The following MRC2 variants were observed in gnomAD, a reference collection of about 807,000 sequenced individuals.
MRC2 encodes the protein C-type mannose receptor 2.
A neutral mutation model predicts 206.2 loss-of-function variants in MRC2; 84 were observed. The observed-to-expected ratio is 0.41, with a 90% CI of 0.34 to 0.49. The LOEUF (loss-of-function observed/expected upper bound fraction) is 0.49. Among genes scored for constraint, MRC2 ranks in the 20% least tolerant of loss-of-function variants. The pLI is 0.31. For synonymous variants in MRC2, 798 were observed against 800.0 expected (o/e 1.00, Z 0.04); for missense variants, 1,676 against 2,001.5 (o/e 0.84, Z 3.10).
intron 1 of MRC2, among the ~76,000 whole-genome samples, chr17:62,655,911 G>A (rs1285348678): frequency 6.6e-6 from 1 of 152,058 alleles, no homozygotes; most frequent in Non-Finnish European, 1.5e-5. Context: ...GAGGGCAGAG[G>A]CTGTATCTTC....
chr17:62,688,335 C>T lies in MRC2; in HGVS notation c.2993C>T (p.Ser998Leu), dbSNP rs1213339129. The T allele has an allele frequency of 6.2e-7, 1 of 1,614,052 alleles. No homozygotes were observed. Among genetic ancestry groups the T allele is most frequent in the Non-Finnish European group, 8.5e-7 (1 of 1,180,048 alleles). ...GAACCCCAGAGCCGGGTGAAGTGGTCAGAGGCACAGTTCTCCTGTGAACAG... is the reference window on the plus strand; with the variant it reads ...GAACCCCAGAGCCGGGTGAAGTGGTTAGAGGCACAGTTCTCCTGTGAACAG... ...GQEPQSRVKWSEAQFSCEQQE... is the reference protein window; with the variant it reads ...GQEPQSRVKWLEAQFSCEQQE... The change falls in exon 21 of 30, where the codon TCA (serine) becomes TTA (leucine). Residue 998 changes from serine (S) to leucine (L), a missense_variant. Physicochemically the swap from Ser to Leu is moderately radical, Grantham distance 145. This residue lies in a region of MRC2 where 1,354 missense variants were observed against 1,636.6 expected (regional missense o/e 0.83). Coordinates refer to ENST00000303375, the MANE Select transcript of MRC2 (RefSeq NM_006039.5).
In MRC2 at chr17:62,680,997, G is replaced by T. The variant is rs1292742475; in HGVS notation, c.2634+37G>T. 3 of 1,611,766 alleles carry T rather than the reference G, an allele frequency of 1.9e-6. No individual in the cohort carries two copies. The highest frequency in any genetic ancestry group is 2.5e-6 in the Non-Finnish European group (3 of 1,179,104). Reference sequence around the variant, plus strand: ...ATTGAGCAGGGGGCTGCAGGCTGGGGGAGGGCAGGCCCGGGATGAGGGCAG... The same window carrying T: ...ATTGAGCAGGGGGCTGCAGGCTGGGTGAGGGCAGGCCCGGGATGAGGGCAG... On this transcript the variant is annotated intron_variant, in intron 17 of 29. Transcript: ENST00000303375. This position sits in a 1 kb window ranked among gnomAD's most constrained non-coding sequence, Gnocchi z 4.8.
Position 62,692,123 on chromosome 17 carries a change from A to C in MRC2, c.4204A>C (p.Ser1402Arg). The C allele has an allele frequency of 2.5e-6, 4 of 1,614,234 alleles. No homozygotes were observed. In the South Asian group the frequency reaches 4.4e-5, roughly 18 times the overall value. ...VCKLPRAEQS[S>R]FSPSALPENP... ...CCTCTTGCCCACAGCTGAGCAGAGC[A>C]GCTTCTCCCCATCAGGTGAGTGAAA... The change falls in exon 29 of 30, where the codon AGC becomes CGC. Residue 1402 changes from serine (S) to arginine (R), a missense_variant. By Grantham distance (110) the Ser-to-Arg change is moderately radical (BLOSUM62 -1). This residue lies in a region of MRC2 where 1,354 missense variants were observed against 1,636.6 expected (regional missense o/e 0.83). Transcript: ENST00000303375. The surrounding 1 kb of genome is among the most constrained non-coding windows in gnomAD (Gnocchi z 4.2).
chr17:62,675,655 T>C lies in MRC2; in HGVS notation c.1570-135T>C, dbSNP rs930281204. 1.4e-6 allele frequency: 1 copy of C among 690,800 alleles called. No homozygotes were observed. Among genetic ancestry groups the C allele is most frequent in the African/African-American group, 1.7e-5 (1 of 57,176 alleles). The allele number at this position is 690,800 out of a possible 1,614,324, so 42.8% of individuals were successfully genotyped here. On this transcript the variant is annotated intron_variant, in intron 9 of 29. Transcript: ENST00000303375. This position sits in a 1 kb window ranked among gnomAD's most constrained non-coding sequence, Gnocchi z 4.1. The stretch of plus-strand genomic sequence containing the variant: ...AAACGAGGTGCAGAACACAGCCCAG[T>C]ACTCAAACCAGTCCCCTCCGTCCTG...
At chr17:62,660,223 C>A (rs572004238) in intron 1 of MRC2, among the ~76,000 whole-genome samples, 1 of 152,194 alleles carries the variant, frequency 6.6e-6, no homozygotes, top group Non-Finnish European at 1.5e-5. Flanking sequence ...CAGCTTTTCC[C>A]TGAACACACT....
intron 1 of MRC2, among the ~76,000 whole-genome samples, chr17:62,662,316 A>C (rs2088690898): frequency 6.6e-6 from 1 of 152,098 alleles, no homozygotes; most frequent in Non-Finnish European, 1.5e-5. Context: ...TGATGAGATC[A>C]GCATCGGGGA....
Position 62,676,429 on chromosome 17 carries a change from G to A in MRC2, c.1732G>A (p.Glu578Lys), listed in dbSNP as rs546522830. The stretch of plus-strand genomic sequence containing the variant: ...CAGCCTCATCTACAACTGGGAGGGC[G>A]AGTACTTCTGGACGGCCCTGCAGGA... ...VSSLIYNWEG[E>K]YFWTALQDLN... Residue 578 changes from glutamate to lysine, a missense_variant, in exon 11 of 30, where the codon GAG becomes AAG. Transcript: ENST00000303375. The A allele has an allele frequency of 3.0e-5, 49 of 1,613,940 alleles. No homozygotes were observed. Among genetic ancestry groups the A allele is most frequent in the Middle Eastern group, 1.6e-4 (1 of 6,084 alleles).
intron 1 of MRC2, among the ~76,000 whole-genome samples, chr17:62,650,480 C>G (rs1380231131): frequency 6.6e-6 from 1 of 152,242 alleles, no homozygotes; most frequent in African/African-American, 2.4e-5. Flanking sequence ...CCAAACACAA[C>G]TTGCCTGTGG....
rs1360957276 is a variant in MRC2, at chr17:62,680,119, G to T, written c.2299-51G>T. ...GTTCACCTGTTCCGGGCATGGGGGCGGCCTGCACCTTGCGCCTCACGTTCC... is the reference window on the plus strand; with the variant it reads ...GTTCACCTGTTCCGGGCATGGGGGCTGCCTGCACCTTGCGCCTCACGTTCC... On this transcript the variant is annotated intron_variant, in intron 14 of 29. Transcript: ENST00000303375. This position sits in a 1 kb window ranked among gnomAD's most constrained non-coding sequence, Gnocchi z 4.8. 5 of 1,610,444 alleles carry T rather than the reference G, an allele frequency of 3.1e-6. No individual in the cohort carries two copies. The highest frequency in any genetic ancestry group is 3.4e-6 in the Non-Finnish European group (4 of 1,178,128).
At chr17:62,632,205 G>A (rs370846883) in intron 1 of MRC2, among the ~76,000 whole-genome samples, 1 of 152,104 alleles carries the variant, frequency 6.6e-6, no homozygotes, top group Non-Finnish European at 1.5e-5. Context: ...TGACACCGGG[G>A]TCTGCCGGGG....
At chr17:62,690,370 A>T (rs1351061198) in intron 26 of MRC2, 65 bp downstream of exon 26, 1 of 1,531,734 alleles carries the variant, frequency 6.5e-7, no homozygotes, top group East Asian at 2.3e-5. Flanking sequence ...GGGCACTCAG[A>T]CCCATGAGTA....
Position 62,690,950 on chromosome 17 carries a change from A to G in MRC2, c.4014A>G (p.Gly1338=). The part of the protein sequence containing the change: ...AWLGMNFNPK[G]GTLVWQDNTA... ...CCCTCAGTGCCTTCTTTCCTGCAGG[A>G]GGCACTCTGGTCTGGCAGGACAACA... The change falls in exon 28 of 30, where the codon GGA becomes GGG. Residue 1338 remains glycine (G), a splice_region_variant and synonymous_variant. Coordinates refer to ENST00000303375, the MANE Select transcript of MRC2 (RefSeq NM_006039.5). 3 of 1,597,620 alleles carry G rather than the reference A, an allele frequency of 1.9e-6. No individual in the cohort carries two copies. The highest frequency in any genetic ancestry group is 1.1e-5 in the South Asian group (1 of 88,678).
intron 20 of MRC2, among the ~76,000 whole-genome samples, chr17:62,687,312 C>A (rs1286199224): frequency 6.6e-6 from 1 of 152,194 alleles, no homozygotes; most frequent in Non-Finnish European, 1.5e-5. Flanking sequence ...AGGCATGTGC[C>A]ACCACGCCTG....
intron 1 of MRC2, among the ~76,000 whole-genome samples, chr17:62,646,416 C>T (rs1222758347): frequency 6.6e-6 from 1 of 152,126 alleles, no homozygotes; most frequent in Admixed American, 6.6e-5. Flanking sequence ...TGCCTCAGCC[C>T]CAAAGTGCTG....
At chr17:62,688,191 C>A (rs565087250) in intron 20 of MRC2, 98 bp from the exon 21 acceptor site, 5 of 996,608 alleles carry the variant, frequency 5.0e-6, no homozygotes, top group South Asian at 3.0e-5. Context: ...CCCTCAAAGG[C>A]CCCCCAGGAC....
Position 62,680,865 on chromosome 17 carries a change from G to A in MRC2, c.2539G>A (p.Ala847Thr), listed in dbSNP as rs145272781. ...GTTCTTTGAGCACCACTCCACGTGG[G>A]CGCAGGCGCAGCGCATCTGCACGTG... ...YKFFEHHSTW[A>T]QAQRICTWFQ... The change falls in exon 17 of 30, where the codon GCG becomes ACG. Residue 847 changes from alanine (A) to threonine (T), a missense_variant. By Grantham distance (58) the Ala-to-Thr change is moderately conservative. This residue lies in a region of MRC2 where 1,354 missense variants were observed against 1,636.6 expected (regional missense o/e 0.83). Transcript: ENST00000303375. This position sits in a 1 kb window ranked among gnomAD's most constrained non-coding sequence, Gnocchi z 4.8. 2.5e-6 allele frequency: 4 copies of A among 1,612,984 alleles called. No homozygotes were observed. The African/African-American group carries it at 5.3e-5, about 22-fold the overall frequency.
chr17:62,677,495 G>A lies in MRC2; in HGVS notation c.2052+9G>A. The A allele has an allele frequency of 1.3e-6, 2 of 1,584,634 alleles. No individual in the cohort carries two copies. On this transcript the variant is annotated intron_variant, in intron 12 of 29. Transcript: ENST00000303375. ...TCCGGTATTGCTATAAGGTAGGGCAGCCTGTTGGCCGGGTAGGGGGCAGGG... is the reference window on the plus strand; with the variant it reads ...TCCGGTATTGCTATAAGGTAGGGCAACCTGTTGGCCGGGTAGGGGGCAGGG...
At chr17:62,639,573 ATTTTAC>A (rs1486015554) in intron 1 of MRC2, among the ~76,000 whole-genome samples, 1 of 152,140 alleles carries the variant, frequency 6.6e-6, no homozygotes, top group African/African-American at 2.4e-5. Context: ...TGATGTCATA[ATTTTAC>A]TTTTGGTAAT....
In MRC2 at chr17:62,665,590, G is replaced by A. The variant is rs1376979705; in HGVS notation, c.521-504G>A. Reference sequence around the variant, plus strand: ...CCCACTCTCCAGGTGAAACCCCATTGTAGCCCCCCATGTTGTCTTAATGCC... The same window carrying A: ...CCCACTCTCCAGGTGAAACCCCATTATAGCCCCCCATGTTGTCTTAATGCC... On this transcript the variant is annotated intron_variant, in intron 2 of 29. Coordinates refer to ENST00000303375, the MANE Select transcript of MRC2 (RefSeq NM_006039.5). 2.6e-5 allele frequency among the ~76,000 whole-genome samples: 4 copies of A among 152,120 alleles called. No individual in the cohort carries two copies. In the East Asian group the frequency reaches 7.7e-4, roughly 29 times the overall value.
Sources: allele counts gnomAD v4.1 joint callset (sites outside exome capture counted in the v4.1 genomes callset), GRCh38; gene constraint gnomAD v4.1.1; regional missense constraint gnomAD v4.1.1; non-coding constraint Gnocchi (gnomAD v3.1); transcripts MANE v1.5; gene names NCBI Gene and HGNC (gene_info 2026-07-23, HGNC 2026-07-21).